Variants in PARD3B observed in about 807,000 individuals in gnomAD.
PARD3B encodes par-3 family cell polarity regulator beta.
A neutral mutation model predicts 130.2 loss-of-function variants in PARD3B; 103 were observed. The observed-to-expected ratio is 0.79, with a 90% confidence interval of 0.67 to 0.93. The LOEUF (loss-of-function observed/expected upper bound fraction) is 0.93. Ranked by LOEUF, PARD3B falls within the 40% of genes least tolerant of loss-of-function variation. The probability of loss-of-function intolerance (pLI) is 0.00; values close to 1 mark genes in which losing one functional copy is unlikely to be tolerated. For missense variants in PARD3B, 1,609 were observed against 1,499.2 expected (o/e 1.07, Z -1.21); for synonymous variants, 583 against 553.2 (o/e 1.05, Z -0.76).
chr2:205,055,277 T>C (rs915693553), intron 4 of PARD3B, among the ~76,000 whole-genome samples: 18 of 152,218 alleles, frequency 1.2e-4, no homozygotes, highest in Non-Finnish European at 2.4e-4. Context: ...CATCTAAAGA[T>C]TTCTCCTTCT....
At chr2:205,336,304 A>G (rs1031212175) in intron 18 of PARD3B, among the ~76,000 whole-genome samples, 7 of 152,238 alleles carry the variant, frequency 4.6e-5, no homozygotes, top group Non-Finnish European at 8.8e-5. Flanking sequence ...GTCAAAGGAT[A>G]GTTATTTCTA....
In PARD3B at chr2:205,183,729, GTTGTGTGTGT is replaced by G. The variant is rs2035925429; in HGVS notation, c.1925-2034_1925-2025del. Among the ~76,000 whole-genome samples, 1 of 95,680 alleles carries G rather than the reference GTTGTGTGTGT, an allele frequency of 1.0e-5. No homozygotes were observed. Among genetic ancestry groups the G allele is most frequent in the African/African-American group, 3.9e-5 (1 of 25,606 alleles). 62.8% of individuals were successfully genotyped at this position (95,680 alleles called of 152,430 possible). A position where few individuals can be genotyped will look rare whatever the true frequency, so the allele number is the denominator to read the frequency against. ...GGGTTCTGCAGAGAAACAGAACCAAGTTGTGTGTGTGTGTGTGTGTGTGTGTGTGTGTGTG... is the reference window on the plus strand; with the variant it reads ...GGGTTCTGCAGAGAAACAGAACCAAGGTGTGTGTGTGTGTGTGTGTGTGTG... On this transcript the variant is annotated intron_variant, in intron 13 of 22. Coordinates refer to ENST00000406610, the MANE Select transcript of PARD3B (RefSeq NM_001302769.2). The surrounding 1 kb of genome is among the most constrained non-coding windows in gnomAD (Gnocchi z 5.2).
intron 15 of PARD3B, among the ~76,000 whole-genome samples, chr2:205,231,329 ATT>A (rs770873231): frequency 4.0e-4 from 56 of 141,554 alleles, no homozygotes; most frequent in Middle Eastern, 7.3e-3. Context: ...TAGATTAACT[ATT>A]TTTTTTTTTT....
In PARD3B at chr2:205,463,184, C is replaced by T. The variant is rs1377010070; in HGVS notation, c.3044+22512C>T. ...TGCTGATTTTGTCATTTCTGAATGCCTAGAACTAAGGAATATCTTGGCAAT... is the reference window on the plus strand; with the variant it reads ...TGCTGATTTTGTCATTTCTGAATGCTTAGAACTAAGGAATATCTTGGCAAT... On this transcript the variant is annotated intron_variant, in intron 20 of 22. Transcript: ENST00000406610. This position sits in a 1 kb window ranked among gnomAD's most constrained non-coding sequence, Gnocchi z 4.8. Among the ~76,000 whole-genome samples, 2 of 152,074 alleles carry T rather than the reference C, an allele frequency of 1.3e-5. No homozygotes were observed. The highest frequency in any genetic ancestry group is 2.9e-5 in the Non-Finnish European group (2 of 68,020).
At chr2:204,801,640 G>A (rs184359425) in intron 2 of PARD3B, among the ~76,000 whole-genome samples, 11 of 152,266 alleles carry the variant, frequency 7.2e-5, no homozygotes, top group African/African-American at 2.4e-4. Flanking sequence ...ATACAATCAT[G>A]TCATCTGGAA....
Position 205,206,486 on chromosome 2 carries a change from G to A in PARD3B, c.2140+13166G>A, listed in dbSNP as rs185887918. 6.4e-3 allele frequency among the ~76,000 whole-genome samples: 962 copies of A among 150,284 alleles called. 7 individuals are homozygous for A. Among genetic ancestry groups the A allele is most frequent in the African/African-American group, 0.012 (500 of 40,694 alleles). On this transcript the variant is annotated intron_variant, in intron 15 of 22. Transcript: ENST00000406610. ...GTGGTGTTTGGTTTTCTGTTCTTGC[G>A]ATAGTTTACCGAGAATGATGATTTC...
At position 205,015,107 on chromosome 2, in the gene PARD3B, C is replaced by T. The variant is rs138883798; in HGVS notation, c.395-32474C>T. Among the ~76,000 whole-genome samples, 737 of 152,060 alleles carry T rather than the reference C, an allele frequency of 4.8e-3. 6 individuals carry two copies. The highest frequency in any genetic ancestry group is 6.4e-3 in the Non-Finnish European group (433 of 67,990). On this transcript the variant is annotated intron_variant, in intron 3 of 22. Transcript: ENST00000406610. The surrounding 1 kb of genome is among the most constrained non-coding windows in gnomAD (Gnocchi z 4.5). Reference sequence around the variant, plus strand: ...TACCTATTGTTGACCAGAAGCCTTACCAATAACATAAACAGTTGATTAACA... The same window carrying T: ...TACCTATTGTTGACCAGAAGCCTTATCAATAACATAAACAGTTGATTAACA...
intron 10 of PARD3B, among the ~76,000 whole-genome samples, chr2:205,138,441 C>A (rs953578219): frequency 6.6e-6 from 1 of 152,080 alleles, no homozygotes; most frequent in African/African-American, 2.4e-5. Flanking sequence ...GAGAATTACT[C>A]TTTTAGACAT....
rs148850381 is a variant in PARD3B, at chr2:204,606,670, C to T, written c.120+60551C>T. Among the ~76,000 whole-genome samples the T allele has an allele frequency of 2.0e-4, 30 of 152,234 alleles. No individual in the cohort carries two copies. Among genetic ancestry groups the T allele is most frequent in the South Asian group, 8.3e-4 (4 of 4,818 alleles). On this transcript the variant is annotated intron_variant, in intron 1 of 22. Transcript: ENST00000406610. The surrounding 1 kb of genome is among the most constrained non-coding windows in gnomAD (Gnocchi z 4.0). ...AAGCTCCAGTGGCTACCACAGATGA[C>T]GCACTGGTCTCATTACCTATTCCGG...
chr2:204,699,176 C>T (rs181024404), intron 2 of PARD3B, among the ~76,000 whole-genome samples: 6 of 152,044 alleles, frequency 3.9e-5, no homozygotes, highest in Admixed American at 1.3e-4. Flanking sequence ...AAAGAAGTGT[C>T]TAGGTGCCCC....
intron 22 of PARD3B, among the ~76,000 whole-genome samples, chr2:205,569,049 A>G (rs2053466375): frequency 6.6e-6 from 1 of 152,236 alleles, no homozygotes; most frequent in African/African-American, 2.4e-5. Flanking sequence ...CTGACTATAA[A>G]TCATTTTTGA....
chr2:205,088,042 A>G (rs568709866), intron 4 of PARD3B, among the ~76,000 whole-genome samples: 1 of 152,242 alleles, frequency 6.6e-6, no homozygotes, highest in Non-Finnish European at 1.5e-5. Context: ...TGGCATCTAG[A>G]TGAATGTGAT....
At chr2:205,034,598 A>G (rs1697666535) in intron 3 of PARD3B, among the ~76,000 whole-genome samples, 1 of 152,168 alleles carries the variant, frequency 6.6e-6, no homozygotes, top group Non-Finnish European at 1.5e-5. Context: ...CCCTAAAAAG[A>G]TACAAAAACA....
intron 16 of PARD3B, among the ~76,000 whole-genome samples, chr2:205,296,755 G>A (rs2041810514): frequency 6.6e-6 from 1 of 151,586 alleles, no homozygotes; most frequent in African/African-American, 2.4e-5. Context: ...GGATGTATCG[G>A]AGGATTGATC....
chr2:205,140,587 T>G (rs2032873983), intron 10 of PARD3B, among the ~76,000 whole-genome samples: 1 of 151,736 alleles, frequency 6.6e-6, no homozygotes, highest in Admixed American at 6.6e-5. Flanking sequence ...TGAGTCTTGC[T>G]TATACACAGT....
intron 20 of PARD3B, among the ~76,000 whole-genome samples, chr2:205,469,251 G>A (rs1422877787): frequency 2.0e-5 from 3 of 152,146 alleles, no homozygotes; most frequent in Admixed American, 6.6e-5. Flanking sequence ...ATGACTTCAA[G>A]GTGACACGAG....
At chr2:205,151,096 C>T (rs2033724650) in intron 10 of PARD3B, among the ~76,000 whole-genome samples, 1 of 152,112 alleles carries the variant, frequency 6.6e-6, no homozygotes, top group African/African-American at 2.4e-5. Flanking sequence ...GTTTAAAACA[C>T]CATGCTGTAC....
chr2:205,442,459 C>T (rs1241394437), intron 20 of PARD3B, among the ~76,000 whole-genome samples: 2 of 151,984 alleles, frequency 1.3e-5, no homozygotes, highest in South Asian at 2.1e-4. Context: ...CCTGCAACCA[C>T]GGCTGGCTAA....
At chr2:204,615,342 G>A (rs12694004) in intron 1 of PARD3B, among the ~76,000 whole-genome samples, 115,566 of 152,106 alleles carry the variant, frequency 0.76, 43,970 homozygotes, top group Middle Eastern at 0.82. Context: ...CCATTTGTCT[G>A]TCTTGTCCTT....
Sources: gnomAD v4.1 joint callset for allele counts (sites outside exome capture counted in the v4.1 genomes callset) on GRCh38, gnomAD v4.1.1 for gene constraint, Gnocchi (gnomAD v3.1) non-coding constraint, MANE v1.5 for transcripts, NCBI Gene and HGNC (gene_info 2026-07-23, HGNC 2026-07-21) for gene names.